FGF12: variants seen among roughly 807,000 people sequenced by gnomAD.
FGF12 encodes fibroblast growth factor 12, also known as fibroblast growth factor 12B.
Under a neutral mutation model 23.6 loss-of-function variants are expected in FGF12, and 14 were observed. The ratio of observed to expected loss-of-function variants is 0.59; its 90% confidence interval spans 0.39 to 0.93. The LOEUF is 0.93. Ranked by LOEUF, FGF12 falls within the 40% of genes least tolerant of loss-of-function variation. FGF12 has a pLI of 0.00. For synonymous variants in FGF12, 62 were observed against 77.3 expected, an observed-to-expected ratio of 0.80 and a Z score of 1.04; for missense variants, 175 against 217.8, an observed-to-expected ratio of 0.80 and a Z score of 1.24.
intron 2 of FGF12, among the ~76,000 whole-genome samples, chr3:192,538,107 C>T (rs532668639): frequency 4.0e-5 from 6 of 151,830 alleles, no homozygotes; most frequent in South Asian, 2.1e-4. Context: ...CCACTGTGCC[C>T]GGCTAATTTT....
At chr3:192,554,587 G>A (rs1577051144) in intron 2 of FGF12, among the ~76,000 whole-genome samples, 1 of 152,226 alleles carries the variant, frequency 6.6e-6, no homozygotes, top group Middle Eastern at 3.4e-3. Context: ...TACAAAGCCA[G>A]TTCATAAAAA....
At chr3:192,494,678 T>C (rs963941197) in intron 2 of FGF12, among the ~76,000 whole-genome samples, 7 of 152,166 alleles carry the variant, frequency 4.6e-5, no homozygotes, top group Middle Eastern at 3.2e-3. Context: ...AATACAATGG[T>C]ACAACCTACT....
At chr3:192,461,844 G>C (rs922124101) in intron 2 of FGF12, among the ~76,000 whole-genome samples, 4 of 151,996 alleles carry the variant, frequency 2.6e-5, no homozygotes, top group Admixed American at 2.0e-4. Context: ...CAAAAAATTA[G>C]CCAGGCATGG....
At chr3:192,380,231 A>G (rs1213140946) in intron 2 of FGF12, among the ~76,000 whole-genome samples, 1 of 152,142 alleles carries the variant, frequency 6.6e-6, no homozygotes, top group African/African-American at 2.4e-5. Flanking sequence ...ATTACAATTT[A>G]CTGCACTGCA....
In FGF12 at chr3:192,273,203, T is replaced by A. The variant is rs573242480; in HGVS notation, c.228+62158A>T. On this transcript the variant is annotated intron_variant, in intron 4 of 5. Transcript: ENST00000445105. ...TTATGCTGTTACATAAATGTGTTAA[T>A]GGGGAAATCCATTCAAACATCTGCA... Among the ~76,000 whole-genome samples, 158 of 152,174 alleles carry A rather than the reference T, an allele frequency of 1.0e-3. 3 individuals carry two copies. The highest frequency in any genetic ancestry group is 1.4e-3 in the Non-Finnish European group (94 of 68,036).
At chr3:192,659,948 T>C (rs2108683258) in intron 2 of FGF12, among the ~76,000 whole-genome samples, 1 of 152,248 alleles carries the variant, frequency 6.6e-6, no homozygotes, top group South Asian at 2.1e-4. Context: ...TGTCTCCTCT[T>C]GAGAAATATC....
At chr3:192,649,402 T>C (rs897844363) in intron 2 of FGF12, among the ~76,000 whole-genome samples, 26 of 152,168 alleles carry the variant, frequency 1.7e-4, no homozygotes, top group African/African-American at 5.8e-4. Context: ...TTAAGCGTTC[T>C]GCTGCTTAAC....
intron 4 of FGF12, among the ~76,000 whole-genome samples, chr3:192,313,468 T>C (rs926464354): frequency 6.6e-6 from 1 of 152,190 alleles, no homozygotes; most frequent in Non-Finnish European, 1.5e-5. Context: ...AATCGAAGAA[T>C]AAAGGTTGAA....
chr3:192,525,734 A>C (rs375020532), intron 2 of FGF12, among the ~76,000 whole-genome samples: 2 of 152,170 alleles, frequency 1.3e-5, no homozygotes, highest in South Asian at 2.1e-4. Context: ...ATCTCCGTAC[A>C]TGAACTTAAC....
intron 2 of FGF12, among the ~76,000 whole-genome samples, chr3:192,392,636 A>AGAGAGAGAGAGAGAGGG: frequency 2.0e-5 from 1 of 50,144 alleles, no homozygotes; most frequent in African/African-American, 7.0e-5. Context: ...GAGAGAGAGG[A>AGAGAGAGAGAGAGAGGG]AGGGAGGGAG....
intron 4 of FGF12, among the ~76,000 whole-genome samples, chr3:192,233,106 T>C (rs1719110201): frequency 6.6e-6 from 1 of 152,194 alleles, no homozygotes; most frequent in African/African-American, 2.4e-5. Flanking sequence ...AGCTCTGGTT[T>C]AAGTTCTTTG....
chr3:192,374,726 A>G (rs1271203306), intron 2 of FGF12, among the ~76,000 whole-genome samples: 8 of 152,134 alleles, frequency 5.3e-5, no homozygotes, highest in Non-Finnish European at 1.5e-5. Flanking sequence ...ACTAAGGTGC[A>G]AGTGAAGTGA....
chr3:192,489,526 T>C (rs956257531), intron 2 of FGF12, among the ~76,000 whole-genome samples: 1 of 152,046 alleles, frequency 6.6e-6, no homozygotes, highest in African/African-American at 2.4e-5. Context: ...CAAGCCAAAC[T>C]TAATAATACT....
intron 2 of FGF12, among the ~76,000 whole-genome samples, chr3:192,473,472 T>C (rs1196654915): frequency 6.6e-6 from 1 of 152,186 alleles, no homozygotes; most frequent in Admixed American, 6.5e-5. Context: ...GAAATATTAT[T>C]TAGCTGGTTA....
chr3:192,597,519 GA>G (rs1319549831), intron 2 of FGF12, among the ~76,000 whole-genome samples: 2 of 148,346 alleles, frequency 1.3e-5, no homozygotes, highest in South Asian at 2.1e-4. Context: ...CCACAAAGGG[GA>G]AAAAAGGAGA....
At chr3:192,361,250 C>A (rs1160953678) in intron 2 of FGF12, among the ~76,000 whole-genome samples, 7 of 149,374 alleles carry the variant, frequency 4.7e-5, no homozygotes, top group African/African-American at 1.7e-4. Flanking sequence ...CTTTTAAAAA[C>A]CCTCTAAACA....
At chr3:192,661,781 T>C (rs1716681299) in intron 2 of FGF12, among the ~76,000 whole-genome samples, 2 of 152,194 alleles carry the variant, frequency 1.3e-5, no homozygotes, top group African/African-American at 2.4e-5. Context: ...ATAAAATGAC[T>C]GACATGTTAA....
At chr3:192,724,358 G>C (rs900885714) in intron 2 of FGF12, among the ~76,000 whole-genome samples, 1 of 152,036 alleles carries the variant, frequency 6.6e-6, no homozygotes. Context: ...GACCTCTAAA[G>C]GAAACATATA....
At chr3:192,377,472 C>T (rs1016076226) in intron 2 of FGF12, among the ~76,000 whole-genome samples, 2 of 152,184 alleles carry the variant, frequency 1.3e-5, no homozygotes, top group Non-Finnish European at 2.9e-5. Flanking sequence ...AGCAGATTCA[C>T]CTATTTTAAG....
Sources: allele counts gnomAD v4.1 joint callset (sites outside exome capture counted in the v4.1 genomes callset), GRCh38; gene constraint gnomAD v4.1.1; transcripts MANE v1.5; gene names NCBI Gene and HGNC (gene_info 2026-07-23, HGNC 2026-07-21).